GHR: variants seen among roughly 807,000 people sequenced by gnomAD.
GHR encodes growth hormone receptor.
GHR carries 35 observed loss-of-function variants against 67.1 expected under a neutral mutation model. The ratio of observed to expected loss-of-function variants is 0.52; its 90% confidence interval spans 0.40 to 0.69. The LOEUF is 0.69. GHR is among the 30% of genes least tolerant of loss of function. The pLI is 0.00. For synonymous variants in GHR, 272 were observed against 269.1 expected (o/e 1.01, Z -0.10); for missense variants, 792 against 764.6 (o/e 1.04, Z -0.42).
At chr5:42,667,139 A>T (rs1756025525) in intron 3 of GHR, among the ~76,000 whole-genome samples, 1 of 152,160 alleles carries the variant, frequency 6.6e-6, no homozygotes, top group Non-Finnish European at 1.5e-5. Context: ...GCAACTTTAG[A>T]ACCCCTGTAA....
At chr5:42,505,244 A>G (rs944264755) in intron 1 of GHR, among the ~76,000 whole-genome samples, 1 of 151,590 alleles carries the variant, frequency 6.6e-6, no homozygotes, top group Admixed American at 6.6e-5. Flanking sequence ...AGCAGAGAAT[A>G]TGGTTGAATT....
intron 2 of GHR, among the ~76,000 whole-genome samples, chr5:42,585,330 A>G (rs1738603140): frequency 6.6e-6 from 1 of 152,240 alleles, no homozygotes; most frequent in Admixed American, 6.5e-5. Flanking sequence ...CTAAACTGTT[A>G]CAGGTAAAAG....
intron 1 of GHR, chr5:42,565,424 T>C (rs1363035102): frequency 7.1e-6 from 7 of 981,844 alleles, no homozygotes; most frequent in Non-Finnish European, 8.5e-6. Flanking sequence ...TATGAAATGT[T>C]ACTATTACCA....
At chr5:42,621,716 A>G (rs1753456003) in intron 2 of GHR, among the ~76,000 whole-genome samples, 1 of 152,158 alleles carries the variant, frequency 6.6e-6, no homozygotes, top group African/African-American at 2.4e-5. Flanking sequence ...GTTATCTACT[A>G]TTTTACTGTA....
intron 3 of GHR, among the ~76,000 whole-genome samples, chr5:42,660,268 G>A (rs1481540422): frequency 1.3e-5 from 2 of 152,192 alleles, no homozygotes; most frequent in Non-Finnish European, 2.9e-5. Context: ...GGTTCTCCCA[G>A]CATGCAGCTG....
chr5:42,705,420 T>G (rs10038477), intron 6 of GHR, among the ~76,000 whole-genome samples: 99,519 of 151,800 alleles, frequency 0.66, 33,782 homozygotes, highest in East Asian at 0.84. Flanking sequence ...ACTATTTTTT[T>G]AGGTTCAGAG....
intron 1 of GHR, among the ~76,000 whole-genome samples, chr5:42,482,533 G>T (rs551596609): frequency 6.6e-6 from 1 of 152,346 alleles, no homozygotes; most frequent in East Asian, 1.9e-4. Flanking sequence ...GCTCCACCCA[G>T]TTCGAGCTTC....
At chr5:42,509,252 CT>C (rs1746909000) in intron 1 of GHR, among the ~76,000 whole-genome samples, 2 of 152,300 alleles carry the variant, frequency 1.3e-5, no homozygotes, top group South Asian at 4.1e-4. Flanking sequence ...ACTTGTTTCA[CT>C]TTAAATGCAT....
chr5:42,642,616 G>T (rs1754535690), intron 3 of GHR, among the ~76,000 whole-genome samples: 1 of 152,156 alleles, frequency 6.6e-6, no homozygotes, highest in Non-Finnish European at 1.5e-5. Context: ...AAATACACAT[G>T]CAGGACCTCT....
chr5:42,526,654 A>T (rs1747717772), intron 1 of GHR, among the ~76,000 whole-genome samples: 1 of 152,162 alleles, frequency 6.6e-6, no homozygotes, highest in African/African-American at 2.4e-5. Context: ...TGAGTTGATG[A>T]AGTTGGTGAC....
At chr5:42,707,728 T>G (rs1758247503) in intron 6 of GHR, among the ~76,000 whole-genome samples, 1 of 152,022 alleles carries the variant, frequency 6.6e-6, no homozygotes, top group South Asian at 2.1e-4. Flanking sequence ...ATAGGCTATT[T>G]TAACCTGATA....
At chr5:42,611,251 G>T (rs1263390057) in intron 2 of GHR, among the ~76,000 whole-genome samples, 1 of 152,080 alleles carries the variant, frequency 6.6e-6, no homozygotes, top group Non-Finnish European at 1.5e-5. Context: ...GTGTCTAAAT[G>T]TATGGTTGGA....
At chr5:42,620,234 T>A (rs1298131301) in intron 2 of GHR, among the ~76,000 whole-genome samples, 3 of 152,024 alleles carry the variant, frequency 2.0e-5, no homozygotes, top group Admixed American at 2.0e-4. Flanking sequence ...AATTGAGACT[T>A]CAGAGAACTC....
chr5:42,631,497 T>A (rs1181151383), intron 3 of GHR, among the ~76,000 whole-genome samples: 1 of 152,166 alleles, frequency 6.6e-6, no homozygotes, highest in African/African-American at 2.4e-5. Context: ...AGTGCTCACA[T>A]CACCTCACTC....
At chr5:42,606,684 G>C (rs1465172692) in intron 2 of GHR, among the ~76,000 whole-genome samples, 1 of 152,180 alleles carries the variant, frequency 6.6e-6, no homozygotes, top group Non-Finnish European at 1.5e-5. Flanking sequence ...TCAACATGAA[G>C]CTTTCTGGGG....
intron 3 of GHR, among the ~76,000 whole-genome samples, chr5:42,658,521 C>T (rs1228374715): frequency 6.6e-6 from 1 of 152,132 alleles, no homozygotes; most frequent in African/African-American, 2.4e-5. Context: ...AACTTTTATC[C>T]ATTGTTATTT....
intron 1 of GHR, among the ~76,000 whole-genome samples, chr5:42,507,216 T>C (rs952125143): frequency 2.0e-5 from 3 of 152,238 alleles, no homozygotes; most frequent in Non-Finnish European, 4.4e-5. Context: ...TTCAGGGTCA[T>C]AGTTAATAGA....
intron 3 of GHR, among the ~76,000 whole-genome samples, chr5:42,688,587 T>C (rs1263010303): frequency 6.6e-6 from 1 of 152,162 alleles, no homozygotes; most frequent in Non-Finnish European, 1.5e-5. Context: ...ATCTTCCAGA[T>C]GAACTACCTA....
intron 2 of GHR, chr5:42,619,605 G>T (rs945948218): frequency 6.6e-6 from 1 of 152,138 alleles, no homozygotes; most frequent in Non-Finnish European, 1.5e-5. Flanking sequence ...CTGGCACATT[G>T]TAAGTACTCA....
Sources: allele counts gnomAD v4.1 joint callset (sites outside exome capture counted in the v4.1 genomes callset), GRCh38; gene constraint gnomAD v4.1.1; transcripts MANE v1.5; gene names NCBI Gene and HGNC (gene_info 2026-07-23, HGNC 2026-07-21).